Variants in STARD13 observed in about 807,000 individuals in gnomAD.
STARD13 encodes StAR related lipid transfer domain containing 13.
In STARD13, 62 loss-of-function variants were observed where a neutral mutation model predicts 106.4. That is an observed-to-expected ratio of 0.58 (90% confidence interval 0.48 to 0.72). The LOEUF is 0.72. Ranked by LOEUF, STARD13 falls within the 30% of genes least tolerant of loss-of-function variation. The pLI, the probability that STARD13 is intolerant of heterozygous loss-of-function variation, is 0.00. For missense variants in STARD13, 1,387 were observed against 1,424.0 expected (o/e 0.97, Z 0.42); for synonymous variants, 565 against 553.0 (o/e 1.02, Z -0.31).
chr13:33,376,803 T>C, the STARD13 span, among the ~76,000 whole-genome samples: 1 of 152,090 alleles, frequency 6.6e-6, no homozygotes, highest in Admixed American at 6.5e-5. Flanking sequence ...CCAGTAAGCC[T>C]GAGAAGGAGA....
At chr13:33,286,435 A>G (rs1347114560), upstream of STARD13, among the ~76,000 whole-genome samples, 2 of 152,172 alleles carry the variant, frequency 1.3e-5, no homozygotes, top group African/African-American at 2.4e-5. Context: ...CCAATTTTTA[A>G]TCACCTAGAG....
At chr13:33,667,419 G>T in the STARD13 span, among the ~76,000 whole-genome samples, 1 of 152,124 alleles carries the variant, frequency 6.6e-6, no homozygotes, top group African/African-American at 2.4e-5. Flanking sequence ...TATCTACTTT[G>T]CTCTCTCAGA....
intron 11 of STARD13, 98 bp from the exon 12 acceptor site, chr13:33,110,188 G>A: frequency 9.4e-7 from 1 of 1,065,078 alleles, no homozygotes; most frequent in Non-Finnish European, 1.4e-6. Flanking sequence ...ACCTTGCTGG[G>A]TGTTCAAAAA....
intron 1 of STARD13, among the ~76,000 whole-genome samples, chr13:33,196,505 G>C (rs570136533): frequency 2.0e-5 from 3 of 152,314 alleles, no homozygotes; most frequent in Admixed American, 2.0e-4. Flanking sequence ...CCTGCCAGTG[G>C]TTTCTGGGAG....
intron 1 of STARD13, among the ~76,000 whole-genome samples, chr13:33,190,588 C>CTTTT (rs71196510): frequency 7.6e-5 from 10 of 131,200 alleles, no homozygotes; most frequent in African/African-American, 1.8e-4. Context: ...CTTTTCTTTT[C>CTTTT]TTTTTTTTTT....
chr13:33,358,752 G>C, the STARD13 span, among the ~76,000 whole-genome samples: 1 of 151,886 alleles, frequency 6.6e-6, no homozygotes, highest in African/African-American at 2.4e-5. Flanking sequence ...GCTCTGGTGA[G>C]GATGTGGAGA....
chr13:33,183,476 G>A (rs1885441819), intron 1 of STARD13, among the ~76,000 whole-genome samples: 1 of 152,178 alleles, frequency 6.6e-6, no homozygotes, highest in South Asian at 2.1e-4. Context: ...TTCTCTCTTG[G>A]TCTGATGTAA....
At chr13:33,498,735 G>A in the STARD13 span, among the ~76,000 whole-genome samples, 1 of 152,160 alleles carries the variant, frequency 6.6e-6, no homozygotes, top group Non-Finnish European at 1.5e-5. Flanking sequence ...TATGATCCAA[G>A]TTATAAAATA....
intron 3 of STARD13, 82 bp downstream of exon 3, chr13:33,165,255 T>G: frequency 9.5e-7 from 1 of 1,055,484 alleles, no homozygotes; most frequent in Non-Finnish European, 1.5e-6. Flanking sequence ...ACTTGCCGAA[T>G]AGCTGAGCTC....
chr13:33,625,893 G>A, the STARD13 span, among the ~76,000 whole-genome samples: 1 of 151,990 alleles, frequency 6.6e-6, no homozygotes, highest in Non-Finnish European at 1.5e-5. Flanking sequence ...GTAGAGATGG[G>A]GTTTCACCAT....
At chr13:33,503,538 T>C in the STARD13 span, among the ~76,000 whole-genome samples, 1 of 152,258 alleles carries the variant, frequency 6.6e-6, no homozygotes, top group Non-Finnish European at 1.5e-5. Context: ...AATTTCCCTC[T>C]ACACACTGCT....
At chr13:33,472,403 C>T in the STARD13 span, among the ~76,000 whole-genome samples, 1 of 152,064 alleles carries the variant, frequency 6.6e-6, no homozygotes, top group Non-Finnish European at 1.5e-5. Flanking sequence ...TCAGTGTTAA[C>T]ACTATTGACA....
chr13:33,274,710 C>G (rs1421801500), intron 1 of STARD13, among the ~76,000 whole-genome samples: 1 of 152,152 alleles, frequency 6.6e-6, no homozygotes, highest in East Asian at 1.9e-4. Context: ...TCACCCCAAC[C>G]TGGGTTTGGT....
rs1462712811 is a variant in STARD13 at position 33,105,555 on chromosome 13, T to C, written c.*38A>G. 6.9e-7 allele frequency: 1 copy of C among 1,441,566 alleles called. No individual in the cohort carries two copies. Among genetic ancestry groups the C allele is most frequent in the Admixed American group, 1.7e-5 (1 of 59,782 alleles). 89.3% of individuals were successfully genotyped at this position (1,441,566 alleles called of 1,614,324 possible). On this transcript the variant is annotated 3_prime_UTR_variant, in exon 14 of 14. Coordinates refer to ENST00000336934, the MANE Select transcript of STARD13 (RefSeq NM_178006.4). ...TCTCTGCCACACTCGTCACTTTAGC[T>C]TCCTCTTCCCTGAGTTTGATGTCAC...
the STARD13 span, among the ~76,000 whole-genome samples, chr13:33,588,301 G>C: frequency 1.6e-4 from 24 of 152,260 alleles, no homozygotes; most frequent in Non-Finnish European, 3.1e-4. Flanking sequence ...ATTTTGCAGT[G>C]CTTAGCACAA....
chr13:33,195,525 C>T (rs1566065952), intron 1 of STARD13, among the ~76,000 whole-genome samples: 1 of 152,158 alleles, frequency 6.6e-6, no homozygotes, highest in Non-Finnish European at 1.5e-5. Context: ...AAATATTTTT[C>T]TATGTGAAGG....
At chr13:33,262,226 G>T (rs1280616153) in intron 1 of STARD13, among the ~76,000 whole-genome samples, 1 of 152,192 alleles carries the variant, frequency 6.6e-6, no homozygotes, top group East Asian at 1.9e-4. Flanking sequence ...TGATGAATAG[G>T]TCTATCAGCA....
intron 8 of STARD13, among the ~76,000 whole-genome samples, chr13:33,114,515 G>A (rs1482289175): frequency 2.6e-5 from 4 of 152,202 alleles, no homozygotes; most frequent in Non-Finnish European, 4.4e-5. Flanking sequence ...GAGCCGTTTT[G>A]TTAAAATTAG....
the STARD13 span, among the ~76,000 whole-genome samples, chr13:33,574,913 CTTTTT>C: frequency 7.7e-5 from 9 of 117,588 alleles, no homozygotes; most frequent in African/African-American, 2.0e-4. Context: ...TATGCATCTA[CTTTTT>C]TTTTTTTTTT....
Sources: allele counts gnomAD v4.1 joint callset (sites outside exome capture counted in the v4.1 genomes callset), GRCh38; gene constraint gnomAD v4.1.1; transcripts MANE v1.5; gene names NCBI Gene and HGNC (gene_info 2026-07-23, HGNC 2026-07-21).